The following PIK3R4 variants were observed in gnomAD, a reference collection of about 807,000 sequenced individuals.
The protein encoded by PIK3R4 is phosphoinositide-3-kinase regulatory subunit 4.
A neutral mutation model predicts 136.5 loss-of-function variants in PIK3R4; 46 were observed. The ratio of observed to expected loss-of-function variants is 0.34; its 90% confidence interval spans 0.27 to 0.43. The LOEUF is 0.43. Among genes scored for constraint, PIK3R4 ranks in the 20% least tolerant of loss-of-function variants. PIK3R4 has a pLI of 1.00. For missense variants in PIK3R4, 1,331 were observed against 1,649.5 expected, an observed-to-expected ratio of 0.81 and a Z score of 3.35; for synonymous variants, 557 against 566.7, an observed-to-expected ratio of 0.98 and a Z score of 0.24.
rs770123813 is a variant in PIK3R4 at position 130,723,594 on chromosome 3, A to G, written c.1808-7T>C. 1 of 1,609,856 alleles carries G rather than the reference A, an allele frequency of 6.2e-7. No homozygotes were observed. Among genetic ancestry groups the G allele is most frequent in the Admixed American group, 1.7e-5 (1 of 59,156 alleles). Reference sequence around the variant, plus strand: ...CCAACATAGGCAGCAACACCTGGAAATGAAAAGCAATATTATGTGATTATT... The same window carrying G: ...CCAACATAGGCAGCAACACCTGGAAGTGAAAAGCAATATTATGTGATTATT... On this transcript the variant is annotated splice_region_variant and splice_polypyrimidine_tract_variant and intron_variant, in intron 6 of 19. Transcript: ENST00000356763.
chr3:130,694,869 G>A (rs772343898), intron 13 of PIK3R4, among the ~76,000 whole-genome samples: 2 of 151,992 alleles, frequency 1.3e-5, no homozygotes, highest in Non-Finnish European at 2.9e-5. Context: ...CATCTTAGGG[G>A]GAAAGCTTTC....
At chr3:130,697,678 A>G (rs968388269) in intron 13 of PIK3R4, among the ~76,000 whole-genome samples, 2 of 152,214 alleles carry the variant, frequency 1.3e-5, no homozygotes, top group African/African-American at 4.8e-5. Context: ...TACAAATTAC[A>G]TATCTACATG....
chr3:130,728,775 C>G (rs1318275581), intron 5 of PIK3R4, 91 bp from the exon 6 acceptor site: 2 of 830,698 alleles, frequency 2.4e-6, no homozygotes, highest in African/African-American at 1.8e-5. Context: ...TCCCAGTCTT[C>G]TTTCTTACTC....
At chr3:130,696,594 A>G (rs1248229176) in intron 13 of PIK3R4, among the ~76,000 whole-genome samples, 1 of 152,170 alleles carries the variant, frequency 6.6e-6, no homozygotes, top group African/African-American at 2.4e-5. Flanking sequence ...TTTCATTCCA[A>G]TTTGGTTAAC....
chr3:130,725,651 G>C (rs1483686871), intron 6 of PIK3R4, among the ~76,000 whole-genome samples: 1 of 150,474 alleles, frequency 6.6e-6, no homozygotes, highest in Non-Finnish European at 1.5e-5. Flanking sequence ...CTACAGAAAA[G>C]ATTCAAAAAT....
At chr3:130,744,166 T>G (rs2066840307) in intron 2 of PIK3R4, among the ~76,000 whole-genome samples, 1 of 152,212 alleles carries the variant, frequency 6.6e-6, no homozygotes, top group Admixed American at 6.5e-5. Context: ...TTTTGCAATA[T>G]CCACGGTCAC....
At chr3:130,706,521 G>C (rs1472930427) in intron 11 of PIK3R4, among the ~76,000 whole-genome samples, 2 of 152,164 alleles carry the variant, frequency 1.3e-5, no homozygotes, top group Non-Finnish European at 2.9e-5. Context: ...TGTTAAGTCA[G>C]GAATGATCTG....
In PIK3R4 at chr3:130,703,884, C is replaced by G; in HGVS notation, c.2937G>C (p.Trp979Cys). The change falls in exon 13 of 20, where the codon TGG becomes TGC. Residue 979 changes from tryptophan (W) to cysteine (C), a missense_variant. By Grantham distance (215) the Trp-to-Cys change is radical. Transcript: ENST00000356763. ...GGGCAACTAACAGCCCTTTAGGACG[C>G]CATCCTAAGGAAAAGCAAAGGAGTG... Reference protein sequence around the residue: ...EWESKPPPPGWRPKGLLVAHL... With the variant: ...EWESKPPPPGCRPKGLLVAHL... 6.2e-7 allele frequency: 1 copy of G among 1,606,762 alleles called. No homozygotes were observed.
chr3:130,679,580 G>A, intron 19 of PIK3R4, 95 bp from the exon 20 acceptor site: 1 of 816,758 alleles, frequency 1.2e-6, no homozygotes, highest in Non-Finnish European at 2.0e-6. Context: ...TACTGTTGTT[G>A]TATTTAAGTT....
At chr3:130,694,255 T>G (rs60680915) in intron 13 of PIK3R4, among the ~76,000 whole-genome samples, 31,276 of 151,870 alleles carry the variant, frequency 0.21, 3,477 homozygotes, top group South Asian at 0.36. Flanking sequence ...TTTTGGTTAT[T>G]CTGAGTCTCT....
chr3:130,727,552 CAAG>C (rs1353170281), intron 6 of PIK3R4, among the ~76,000 whole-genome samples: 4 of 152,146 alleles, frequency 2.6e-5, no homozygotes, highest in African/African-American at 9.7e-5. Context: ...TGCTGCCTCA[CAAG>C]AAAGTCTGGA....
intron 12 of PIK3R4, among the ~76,000 whole-genome samples, chr3:130,704,266 A>T (rs1272329942): frequency 1.3e-5 from 2 of 152,256 alleles, no homozygotes; most frequent in Non-Finnish European, 2.9e-5. Flanking sequence ...TACTCTAAGT[A>T]TAATACACCA....
chr3:130,722,272 A>T (rs1285456610), intron 7 of PIK3R4, among the ~76,000 whole-genome samples: 1 of 152,110 alleles, frequency 6.6e-6, no homozygotes, highest in Non-Finnish European at 1.5e-5. Flanking sequence ...GTTCTAAGGG[A>T]GTTATCCATT....
At chr3:130,697,108 TCA>T (rs1424666818) in intron 13 of PIK3R4, among the ~76,000 whole-genome samples, 1 of 133,394 alleles carries the variant, frequency 7.5e-6, no homozygotes, top group African/African-American at 2.7e-5. Flanking sequence ...TCTTGCTCTG[TCA>T]CCCAAGCTGC....
chr3:130,724,670 G>A (rs963586807), intron 6 of PIK3R4, among the ~76,000 whole-genome samples: 2 of 152,044 alleles, frequency 1.3e-5, no homozygotes, highest in African/African-American at 4.8e-5. Flanking sequence ...CTGCAAATCA[G>A]AGGTGGAGCA....
intron 7 of PIK3R4, among the ~76,000 whole-genome samples, 183 bp downstream of exon 7, chr3:130,723,231 T>A (rs1429558537): frequency 6.6e-6 from 1 of 151,900 alleles, no homozygotes; most frequent in Non-Finnish European, 1.5e-5. Flanking sequence ...AGTCAGCTTG[T>A]CTGTCTCTCA....
rs1434010095 is a variant in PIK3R4 at position 130,715,565 on chromosome 3, A to G, written c.2331+831T>C. On this transcript the variant is annotated intron_variant, in intron 9 of 19. Coordinates refer to ENST00000356763, the MANE Select transcript of PIK3R4 (RefSeq NM_014602.3). ...TTGGCTATGGAAATGTCTTTTTTTG[A>G]AAAGTGTCTATTCATATCCTTTGCC... Among the ~76,000 whole-genome samples the G allele has an allele frequency of 2.6e-5, 4 of 151,906 alleles. No homozygotes were observed. The East Asian group carries it at 5.8e-4, about 22-fold the overall frequency.
chr3:130,689,865 T>A (rs541756811), intron 14 of PIK3R4, among the ~76,000 whole-genome samples: 1 of 152,390 alleles, frequency 6.6e-6, no homozygotes, highest in East Asian at 1.9e-4. Context: ...ATCTTCAGTG[T>A]GTAACACATA....
intron 8 of PIK3R4, 38 bp from the exon 9 acceptor site, chr3:130,716,637 A>G (rs2066666622): frequency 8.0e-7 from 1 of 1,252,158 alleles, no homozygotes; most frequent in Non-Finnish European, 1.1e-6. Flanking sequence ...CCAAAAATAT[A>G]ACATGTACAG....
Sources: gnomAD v4.1 joint callset for allele counts (sites outside exome capture counted in the v4.1 genomes callset) on GRCh38, gnomAD v4.1.1 for gene constraint, MANE v1.5 for transcripts, NCBI Gene and HGNC (gene_info 2026-07-23, HGNC 2026-07-21) for gene names.